Variants in SWT1 observed in about 807,000 individuals in gnomAD.
SWT1 encodes the protein transcriptional protein SWT1.
In SWT1, 33 loss-of-function variants were observed where a neutral mutation model predicts 107.3. The ratio of observed to expected loss-of-function variants is 0.31; its 90% CI spans 0.23 to 0.41. The LOEUF (loss-of-function observed/expected upper bound fraction) is 0.41, where lower values mean the gene tolerates loss of function less well. Ranked by LOEUF, SWT1 falls within the 10% of genes least tolerant of loss-of-function variation. The pLI, the probability that SWT1 is intolerant of heterozygous loss-of-function variation, is 1.00. For synonymous variants in SWT1, 345 were observed against 348.3 expected (o/e 0.99, Z 0.11); for missense variants, 898 against 1,028.9 (o/e 0.87, Z 1.74).
chr1:185,277,557 T>C lies in SWT1; in HGVS notation c.2573+889T>C, dbSNP rs1370854146. 2.0e-5 allele frequency among the ~76,000 whole-genome samples: 3 copies of C among 152,220 alleles called. No individual in the cohort carries two copies. The East Asian group carries it at 5.8e-4, about 29-fold the overall frequency. Reference sequence around the variant, plus strand: ...CACCTGCCTCAGCCTCCCAACATGCTGGGATTACAGGCTTGAGCCACCGCA... The same window carrying C: ...CACCTGCCTCAGCCTCCCAACATGCCGGGATTACAGGCTTGAGCCACCGCA... On this transcript the variant is annotated intron_variant, in intron 18 of 18. Coordinates refer to ENST00000367500, the MANE Select transcript of SWT1 (RefSeq NM_017673.7).
intron 16 of SWT1, among the ~76,000 whole-genome samples, chr1:185,262,978 G>T (rs1663132334): frequency 6.6e-6 from 1 of 151,798 alleles, no homozygotes; most frequent in South Asian, 2.1e-4. Context: ...GTAGAGACGG[G>T]GTTTCACCAT....
intron 18 of SWT1, chr1:185,281,625 A>T (rs763779453): frequency 1.6e-4 from 30 of 192,302 alleles, no homozygotes; most frequent in Non-Finnish European, 3.0e-4. Flanking sequence ...CACCAAATGG[A>T]GGTGATATAC....
intron 16 of SWT1, among the ~76,000 whole-genome samples, chr1:185,255,457 G>A (rs542397828): frequency 3.7e-5 from 5 of 134,474 alleles, no homozygotes; most frequent in African/African-American, 1.6e-4. Flanking sequence ...TATGAATCTT[G>A]GTGCTCCTGT....
intron 13 of SWT1, 45 bp from the exon 14 acceptor site, chr1:185,214,462 A>G (rs1318949904): frequency 2.7e-6 from 4 of 1,472,780 alleles, no homozygotes; most frequent in East Asian, 2.3e-5. Flanking sequence ...TTTATGATGT[A>G]TACTCATTCT....
At chr1:185,252,041 G>A (rs893897536) in intron 16 of SWT1, among the ~76,000 whole-genome samples, 32 of 151,822 alleles carry the variant, frequency 2.1e-4, no homozygotes, top group South Asian at 2.1e-3. Flanking sequence ...GAGAATATGC[G>A]GTGTTTGGTT....
intron 9 of SWT1, among the ~76,000 whole-genome samples, chr1:185,190,056 C>T (rs1656820285): frequency 1.3e-5 from 2 of 152,082 alleles, no homozygotes; most frequent in South Asian, 4.1e-4. Flanking sequence ...CCATGTTAGC[C>T]AGGCCGGTCT....
At chr1:185,273,778 T>G (rs2102742822) in intron 17 of SWT1, among the ~76,000 whole-genome samples, 1 of 152,340 alleles carries the variant, frequency 6.6e-6, no homozygotes, top group African/African-American at 2.4e-5. Context: ...GAGAACTTCC[T>G]CTTTTGAAAT....
chr1:185,246,666 G>A (rs1341357884), intron 16 of SWT1, among the ~76,000 whole-genome samples: 2 of 99,762 alleles, frequency 2.0e-5, no homozygotes, highest in Non-Finnish European at 3.8e-5. Flanking sequence ...GTCTCACTTT[G>A]TCATCCAGGC....
intron 9 of SWT1, among the ~76,000 whole-genome samples, chr1:185,185,872 T>A (rs1003204532): frequency 1.2e-4 from 18 of 152,294 alleles, no homozygotes; most frequent in Admixed American, 9.8e-4. Context: ...CCAGATATAA[T>A]GCTTATGAAT....
At chr1:185,170,360 C>T (rs1438609286) in intron 4 of SWT1, among the ~76,000 whole-genome samples, 1 of 152,182 alleles carries the variant, frequency 6.6e-6, no homozygotes, top group Non-Finnish European at 1.5e-5. Context: ...TCTGGTGGTT[C>T]TCTAGCCTTT....
intron 16 of SWT1, among the ~76,000 whole-genome samples, chr1:185,260,319 A>C (rs1662931852): frequency 6.6e-6 from 1 of 152,152 alleles, no homozygotes; most frequent in African/African-American, 2.4e-5. Flanking sequence ...TAGAGTACTC[A>C]TGCTTTTCTT....
At chr1:185,226,750 C>A in intron 15 of SWT1, 5 of 433,746 alleles carry the variant, frequency 1.2e-5, no homozygotes, top group Non-Finnish European at 1.5e-5. Context: ...TTTTTTTTTG[C>A]TGTCCATAAG....
At chr1:185,211,110 A>C (rs1658764940) in intron 13 of SWT1, among the ~76,000 whole-genome samples, 1 of 152,228 alleles carries the variant, frequency 6.6e-6, no homozygotes, top group African/African-American at 2.4e-5. Context: ...GAAAATGGCC[A>C]TACTGCCCAA....
In SWT1 at chr1:185,259,067, A is replaced by G. The variant is rs532971253; in HGVS notation, c.2442-12256A>G. On this transcript the variant is annotated intron_variant, in intron 16 of 18. Coordinates refer to ENST00000367500, the MANE Select transcript of SWT1 (RefSeq NM_017673.7). ...TTCTGATTCACTAAATCTCTTCCCA[A>G]TTAAAATTTTTTGATCACTTAAAAT... Among the ~76,000 whole-genome samples, 10 of 152,210 alleles carry G rather than the reference A, an allele frequency of 6.6e-5. 1 individual carries two copies. The South Asian group carries it at 1.7e-3, about 25-fold the overall frequency.
intron 16 of SWT1, among the ~76,000 whole-genome samples, chr1:185,270,697 A>G (rs192099782): frequency 6.6e-6 from 1 of 152,340 alleles, no homozygotes; most frequent in East Asian, 1.9e-4. Context: ...CGACAGAGTG[A>G]GACCTGGTCT....
At chr1:185,193,204 T>G (rs1319736901) in intron 10 of SWT1, among the ~76,000 whole-genome samples, 1 of 152,224 alleles carries the variant, frequency 6.6e-6, no homozygotes, top group Non-Finnish European at 1.5e-5. Flanking sequence ...TTTCAGATAC[T>G]TGTTTTGTTT....
At chr1:185,173,214 T>C (rs1655236841) in intron 4 of SWT1, among the ~76,000 whole-genome samples, 1 of 152,154 alleles carries the variant, frequency 6.6e-6, no homozygotes, top group Non-Finnish European at 1.5e-5. Context: ...GCTTTTTATC[T>C]ACTAAGGCTA....
intron 16 of SWT1, among the ~76,000 whole-genome samples, chr1:185,238,728 A>T (rs1031656035): frequency 5.9e-5 from 9 of 151,852 alleles, no homozygotes; most frequent in African/African-American, 1.2e-4. Flanking sequence ...TTTTTTTTTT[A>T]AACCGGGCAG....
At chr1:185,181,746 G>A (rs1656035276) in intron 6 of SWT1, among the ~76,000 whole-genome samples, 200 bp from the exon 7 acceptor site, 1 of 152,174 alleles carries the variant, frequency 6.6e-6, no homozygotes, top group African/African-American at 2.4e-5. Flanking sequence ...CATAGGTTAT[G>A]GAGGTAAGAA....
Sources: gnomAD v4.1 joint callset for allele counts (sites outside exome capture counted in the v4.1 genomes callset) on GRCh38, gnomAD v4.1.1 for gene constraint, MANE v1.5 for transcripts, NCBI Gene and HGNC (gene_info 2026-07-23, HGNC 2026-07-21) for gene names.